ASAP1: variants seen among roughly 807,000 people sequenced by gnomAD.
ASAP1 encodes arf-GAP with SH3 domain, ANK repeat and PH domain-containing protein 1.
In ASAP1, 43 loss-of-function variants were observed where a neutral mutation model predicts 145.2. The observed-to-expected ratio is 0.30, with a 90% confidence interval of 0.23 to 0.38. The LOEUF (loss-of-function observed/expected upper bound fraction) is 0.38. Among genes scored for constraint, ASAP1 ranks in the 10% least tolerant of loss-of-function variants. The probability of loss-of-function intolerance (pLI) is 1.00; values close to 1 mark genes in which losing one functional copy is unlikely to be tolerated. For synonymous variants in ASAP1, 546 were observed against 515.5 expected (o/e 1.06, Z -0.80); for missense variants, 1,018 against 1,355.3 (o/e 0.75, Z 3.91).
chr8:130,236,894 T>C (rs1369784449), intron 4 of ASAP1, 28 bp downstream of exon 4: 2 of 1,443,846 alleles, frequency 1.4e-6, no homozygotes, highest in Non-Finnish European at 1.9e-6. Context: ...TTATAATTCA[T>C]GTTACCTCAT....
At chr8:130,403,559 T>TC (rs1266553727) in intron 1 of ASAP1, among the ~76,000 whole-genome samples, 1 of 143,036 alleles carries the variant, frequency 7.0e-6, no homozygotes, top group Admixed American at 6.9e-5. Flanking sequence ...TTTTTCTTTT[T>TC]TTTTTTTTTT....
rs62517744 is a variant in ASAP1, at chr8:130,432,136, A to T, written c.-28+11324T>A. ...GAGGGAAGAGGAGGAAAGGAGGAAG[A>T]TGGGGGAACAGAGGCAGGAGGAGGG... On this transcript the variant is annotated intron_variant, in intron 1 of 29. Transcript: ENST00000518721. Among the ~76,000 whole-genome samples, 912 of 99,226 alleles carry T rather than the reference A, an allele frequency of 9.2e-3. 6 individuals carry two copies. The highest frequency in any genetic ancestry group is 0.025 in the South Asian group (58 of 2,302). 65.1% of individuals were successfully genotyped at this position (99,226 alleles called of 152,430 possible). A position where few individuals can be genotyped will look rare whatever the true frequency, so the allele number is the denominator to read the frequency against.
In ASAP1 at chr8:130,358,309, G is replaced by A. The variant is rs1371127298; in HGVS notation, c.60-166C>T. On this transcript the variant is annotated intron_variant, in intron 2 of 29. Coordinates refer to ENST00000518721, the MANE Select transcript of ASAP1 (RefSeq NM_018482.4). The surrounding 1 kb of genome is among the most constrained non-coding windows in gnomAD (Gnocchi z 4.1). ...CCCGGCAGCGGCGAGAGGGAGGGAA[G>A]GAGGCGGGCGAAGGCAGGCGGCGGC... Among the ~76,000 whole-genome samples the A allele has an allele frequency of 2.7e-5, 4 of 149,838 alleles. No individual in the cohort carries two copies. Among genetic ancestry groups the A allele is most frequent in the Non-Finnish European group, 4.5e-5 (3 of 67,154 alleles).
At chr8:130,357,894 C>T in intron 3 of ASAP1, 123 bp downstream of exon 3, 1 of 1,347,654 alleles carries the variant, frequency 7.4e-7, no homozygotes, top group Non-Finnish European at 1.0e-6. Flanking sequence ...CACCCGGCGG[C>T]TCCCTGAGGG....
chr8:130,289,885 T>C (rs559526370), intron 3 of ASAP1, among the ~76,000 whole-genome samples: 1 of 152,338 alleles, frequency 6.6e-6, no homozygotes, highest in Admixed American at 6.5e-5. Flanking sequence ...TTTTTAAATA[T>C]CCAGTACGTT....
intron 5 of ASAP1, among the ~76,000 whole-genome samples, chr8:130,193,997 G>A (rs1815315693): frequency 6.6e-6 from 1 of 152,110 alleles, no homozygotes; most frequent in Non-Finnish European, 1.5e-5. Flanking sequence ...GCCACACATA[G>A]TAACTTTTTA....
At chr8:130,331,350 G>C (rs1824676588) in intron 3 of ASAP1, among the ~76,000 whole-genome samples, 1 of 152,154 alleles carries the variant, frequency 6.6e-6, no homozygotes, top group African/African-American at 2.4e-5. Context: ...CATGGAAGCA[G>C]TCTGGAGAGA....
chr8:130,342,830 G>A (rs1301191282), intron 3 of ASAP1, among the ~76,000 whole-genome samples: 3 of 151,930 alleles, frequency 2.0e-5, no homozygotes, highest in East Asian at 3.9e-4. Flanking sequence ...GAACCTGGTT[G>A]CCCCCCACCC....
At chr8:130,228,806 G>A (rs573023908) in intron 4 of ASAP1, among the ~76,000 whole-genome samples, 3 of 151,850 alleles carry the variant, frequency 2.0e-5, no homozygotes, top group African/African-American at 7.2e-5. Flanking sequence ...AAAGACCAGT[G>A]GCTATTATTT....
chr8:130,165,440 CTGAGAAA>C (rs1205486295), intron 11 of ASAP1, among the ~76,000 whole-genome samples: 2 of 152,216 alleles, frequency 1.3e-5, no homozygotes, highest in African/African-American at 4.8e-5. Flanking sequence ...TGCTCTTACA[CTGAGAAA>C]TCATTCAAAG....
chr8:130,080,002 G>A, intron 25 of ASAP1, 31 bp from the exon 26 acceptor site: 1 of 1,579,568 alleles, frequency 6.3e-7, no homozygotes, highest in Non-Finnish European at 8.7e-7. Flanking sequence ...GAAAAGGTAT[G>A]TCTTTAGATG....
intron 2 of ASAP1, among the ~76,000 whole-genome samples, chr8:130,368,294 G>GAATAAA (rs1308683677): frequency 6.6e-6 from 1 of 152,116 alleles, no homozygotes; most frequent in Non-Finnish European, 1.5e-5. Flanking sequence ...ATCATGGGGG[G>GAATAAA]TTTTGTGTGA....
At chr8:130,282,069 G>GAAA (rs36024310) in intron 3 of ASAP1, among the ~76,000 whole-genome samples, 2 of 128,024 alleles carry the variant, frequency 1.6e-5, no homozygotes, top group Non-Finnish European at 1.7e-5. Flanking sequence ...ACTCTGCCTC[G>GAAA]AAAAAAAAAA....
intron 14 of ASAP1, 25 bp downstream of exon 14, chr8:130,136,926 A>T (rs1253453537): frequency 1.2e-6 from 2 of 1,601,810 alleles, no homozygotes; most frequent in Admixed American, 1.7e-5. Flanking sequence ...ACAATAACCA[A>T]CTCAGAGAGA....
chr8:130,156,748 C>A (rs548540162), intron 12 of ASAP1, among the ~76,000 whole-genome samples: 1 of 152,140 alleles, frequency 6.6e-6, no homozygotes, highest in African/African-American at 2.4e-5. Flanking sequence ...TTATTTAATC[C>A]CTCTGTAAAA....
chr8:130,094,309 C>T (rs2097512427), intron 24 of ASAP1, among the ~76,000 whole-genome samples: 2 of 152,074 alleles, frequency 1.3e-5, no homozygotes, highest in Non-Finnish European at 2.9e-5. Flanking sequence ...CTCCTGGGCT[C>T]AAGCAATCTT....
chr8:130,428,859 T>C (rs1830043148), intron 1 of ASAP1, among the ~76,000 whole-genome samples: 1 of 152,170 alleles, frequency 6.6e-6, no homozygotes, highest in African/African-American at 2.4e-5. Flanking sequence ...CATTAAAAAG[T>C]ACCAAAATTG....
rs1424722793 is a variant in ASAP1, at chr8:130,054,526, C to T, written c.*205G>A. 4.2e-5 allele frequency: 20 copies of T among 479,312 alleles called. No individual in the cohort carries two copies. Among genetic ancestry groups the T allele is most frequent in the Middle Eastern group, 5.0e-4 (1 of 2,012 alleles). 29.7% of individuals were successfully genotyped at this position (479,312 alleles called of 1,614,324 possible). A position where few individuals can be genotyped will look rare whatever the true frequency, so the allele number is the denominator to read the frequency against. On this transcript the variant is annotated 3_prime_UTR_variant, in exon 30 of 30. Coordinates refer to ENST00000518721, the MANE Select transcript of ASAP1 (RefSeq NM_018482.4). ...GGATGGCTTTGGCAAACCAGTAAGG[C>T]GCGCCGGGTCCGAGGCTACCCTCAT... is the stretch of plus-strand genomic sequence containing the variant.
At chr8:130,072,822 T>TGTGTGTGTGTGTGTGTGCGCGTGTGC (rs1554816353) in intron 27 of ASAP1, among the ~76,000 whole-genome samples, 378 of 25,924 alleles carry the variant, frequency 0.015, 11 homozygotes, top group Non-Finnish European at 0.021. Flanking sequence ...TGTGTGTGTG[T>TGTGTGTGTGTGTGTGTGCGCGTGTGC]GTGCGCGCGG....
Sources: gnomAD v4.1 joint callset for allele counts (sites outside exome capture counted in the v4.1 genomes callset) on GRCh38, gnomAD v4.1.1 for gene constraint, Gnocchi (gnomAD v3.1) non-coding constraint, MANE v1.5 for transcripts, NCBI Gene and HGNC (gene_info 2026-07-23, HGNC 2026-07-21) for gene names.